The following MAPK8 variants were observed in gnomAD, a reference collection of about 807,000 sequenced individuals.
The protein encoded by MAPK8 is JUN N-terminal kinase.
A neutral mutation model predicts 52.9 loss-of-function variants in MAPK8; 13 were observed. The ratio of observed to expected loss-of-function variants is 0.25; its 90% confidence interval spans 0.16 to 0.39. MAPK8 has a LOEUF of 0.39. MAPK8 is among the 10% of genes least tolerant of loss of function. MAPK8 has a pLI of 1.00. For missense variants in MAPK8, 300 were observed against 519.2 expected, an observed-to-expected ratio of 0.58 and a Z score of 4.10; for synonymous variants, 191 against 169.8, an observed-to-expected ratio of 1.12 and a Z score of -0.97.
In MAPK8 at chr10:48,327,156, G is replaced by C. The variant is rs146771241; in HGVS notation, c.-50+20335G>C. Among the ~76,000 whole-genome samples the C allele has an allele frequency of 3.1e-3, 478 of 152,098 alleles. 3 individuals carry two copies. Among genetic ancestry groups the C allele is most frequent in the African/African-American group, 0.011 (465 of 41,488 alleles). ...CATTTTTGCCTTATTCTTGTTCTTG[G>C]GGGGAAAGTAGTTTTTCACCATTAA... On this transcript the variant is annotated intron_variant, in intron 1 of 11. Coordinates refer to ENST00000374189, the MANE Select transcript of MAPK8 (RefSeq NM_001323329.2).
intron 1 of MAPK8, among the ~76,000 whole-genome samples, chr10:48,339,383 ATG>A (rs1372914688): frequency 1.4e-4 from 22 of 152,228 alleles, no homozygotes; most frequent in African/African-American, 5.3e-4. Context: ...GGCTAGCCAT[ATG>A]TAGAAGAATG....
chr10:48,321,748 T>C (rs1843016825), intron 1 of MAPK8, among the ~76,000 whole-genome samples: 1 of 152,214 alleles, frequency 6.6e-6, no homozygotes, highest in Admixed American at 6.5e-5. Context: ...TTGTCCTAGC[T>C]CCATTTGTTG....
intron 1 of MAPK8, among the ~76,000 whole-genome samples, chr10:48,351,099 T>TG: frequency 6.6e-6 from 1 of 152,120 alleles, no homozygotes; most frequent in East Asian, 1.9e-4. Flanking sequence ...TGCCAGCCAC[T>TG]GCTCAAGGAA....
At chr10:48,359,871 C>T (rs1017745346) in intron 1 of MAPK8, among the ~76,000 whole-genome samples, 4 of 152,148 alleles carry the variant, frequency 2.6e-5, no homozygotes, top group African/African-American at 9.7e-5. Context: ...TTAATCAAGA[C>T]ACAGAAAGCA....
At chr10:48,362,001 C>G (rs1438001924) in intron 1 of MAPK8, among the ~76,000 whole-genome samples, 1 of 152,150 alleles carries the variant, frequency 6.6e-6, no homozygotes, top group African/African-American at 2.4e-5. Context: ...TCCTCATTTT[C>G]ATTGACATGA....
chr10:48,404,127 G>A (rs952135053), intron 2 of MAPK8, among the ~76,000 whole-genome samples: 13 of 150,160 alleles, frequency 8.7e-5, no homozygotes, highest in Non-Finnish European at 1.3e-4. Context: ...GAAGTAATGT[G>A]TTTACATAGA....
At chr10:48,316,794 T>C (rs1842544012) in intron 1 of MAPK8, among the ~76,000 whole-genome samples, 1 of 152,202 alleles carries the variant, frequency 6.6e-6, no homozygotes, top group African/African-American at 2.4e-5. Context: ...TTAAATAGTT[T>C]ATTTTCTGTC....
intron 1 of MAPK8, among the ~76,000 whole-genome samples, chr10:48,338,750 CA>C (rs1169464285): frequency 6.6e-6 from 1 of 152,032 alleles, no homozygotes; most frequent in Non-Finnish European, 1.5e-5. Flanking sequence ...AATAAATGTA[CA>C]AAAATCACTG....
intron 1 of MAPK8, among the ~76,000 whole-genome samples, chr10:48,382,904 GTGTATATATATATA>G (rs1429899853): frequency 3.7e-4 from 50 of 134,498 alleles, no homozygotes; most frequent in African/African-American, 1.3e-3. Flanking sequence ...ATATAGCTAT[GTGTATATATATATA>G]TGTATATATA....
chr10:48,369,751 A>T (rs1848381363), intron 1 of MAPK8, among the ~76,000 whole-genome samples: 2 of 152,098 alleles, frequency 1.3e-5, no homozygotes, highest in South Asian at 4.1e-4. Context: ...AATCCAGAGT[A>T]TGCAGTGTTT....
intron 1 of MAPK8, among the ~76,000 whole-genome samples, chr10:48,368,639 G>C (rs1469397550): frequency 6.6e-6 from 1 of 152,190 alleles, no homozygotes; most frequent in Non-Finnish European, 1.5e-5. Flanking sequence ...ACTGTGGTAT[G>C]ATTTTAAGCA....
chr10:48,327,971 C>A (rs1348827106), intron 1 of MAPK8, among the ~76,000 whole-genome samples: 1 of 152,064 alleles, frequency 6.6e-6, no homozygotes, highest in East Asian at 1.9e-4. Context: ...GTAATGATGA[C>A]CCCTCTTCCA....
chr10:48,433,739 A>T (rs1247866884), intron 11 of MAPK8, among the ~76,000 whole-genome samples: 1 of 152,160 alleles, frequency 6.6e-6, no homozygotes, highest in Non-Finnish European at 1.5e-5. Context: ...TTCATATTGA[A>T]GTGTTTCATT....
intron 1 of MAPK8, among the ~76,000 whole-genome samples, chr10:48,317,818 C>T (rs886811261): frequency 6.6e-6 from 1 of 152,140 alleles, no homozygotes; most frequent in Non-Finnish European, 1.5e-5. Context: ...GCATGAGATT[C>T]ATACGGGCAG....
At chr10:48,386,408 A>G (rs1345540953) in intron 1 of MAPK8, among the ~76,000 whole-genome samples, 2 of 152,208 alleles carry the variant, frequency 1.3e-5, no homozygotes, top group African/African-American at 2.4e-5. Context: ...GCTTTTGAGT[A>G]CCTTGGGAAA....
At chr10:48,431,771 T>C (rs1400049115) in intron 11 of MAPK8, among the ~76,000 whole-genome samples, 1 of 152,212 alleles carries the variant, frequency 6.6e-6, no homozygotes, top group Non-Finnish European at 1.5e-5. Flanking sequence ...GTTAAAACTT[T>C]TTTTTATCAT....
chr10:48,350,953 A>G (rs940752088), intron 1 of MAPK8, among the ~76,000 whole-genome samples: 15 of 152,336 alleles, frequency 9.8e-5, no homozygotes, highest in Middle Eastern at 6.8e-3. Context: ...AAAAATCACA[A>G]GCATTCCCAT....
intron 1 of MAPK8, among the ~76,000 whole-genome samples, chr10:48,324,965 T>TTTTGTTTTTTGTG (rs1375204661): frequency 6.6e-6 from 1 of 151,508 alleles, no homozygotes; most frequent in Non-Finnish European, 1.5e-5. Flanking sequence ...GTTTTTTTGT[T>TTTTGTTTTTTGTG]TTTCTAACCC....
Position 48,438,346 on chromosome 10 carries a change from T to C in MAPK8, c.*3317T>C, listed in dbSNP as rs1478541454. On this transcript the variant is annotated 3_prime_UTR_variant, in exon 12 of 12. Transcript: ENST00000374189. Reference sequence around the variant, plus strand: ...GGAATCAAAGGAAACTAATTTTTCCTTAATAGCAAGAAAGATGAAGAGGTA... The same window carrying C: ...GGAATCAAAGGAAACTAATTTTTCCCTAATAGCAAGAAAGATGAAGAGGTA... 6.6e-6 allele frequency: 1 copy of C among 152,222 alleles called. No homozygotes were observed. The highest frequency in any genetic ancestry group is 1.5e-5 in the Non-Finnish European group (1 of 68,032). 9.4% of individuals were successfully genotyped at this position (152,222 alleles called of 1,614,324 possible).
Sources: gnomAD v4.1 joint callset for allele counts (sites outside exome capture counted in the v4.1 genomes callset) on GRCh38, gnomAD v4.1.1 for gene constraint, MANE v1.5 for transcripts, NCBI Gene and HGNC (gene_info 2026-07-23, HGNC 2026-07-21) for gene names.